Variants in CTDSPL2 observed in about 807,000 individuals in gnomAD.
The protein encoded by CTDSPL2 is CTD small phosphatase-like protein 2.
CTDSPL2 carries 5 observed loss-of-function variants against 60.0 expected under a neutral mutation model. The ratio of observed to expected loss-of-function variants is 0.08; its 90% CI spans 0.04 to 0.18. CTDSPL2 has a LOEUF of 0.18. Among genes scored for constraint, CTDSPL2 ranks in the 10% least tolerant of loss-of-function variants. CTDSPL2 has a pLI of 1.00. For synonymous variants in CTDSPL2, 186 were observed against 189.3 expected (o/e 0.98, Z 0.14); for missense variants, 370 against 548.8 (o/e 0.67, Z 3.26).
intron 7 of CTDSPL2, among the ~76,000 whole-genome samples, chr15:44,499,078 A>C (rs926563498): frequency 2.0e-5 from 3 of 152,054 alleles, no homozygotes; most frequent in Non-Finnish European, 4.4e-5. Flanking sequence ...CTTGCTTCTC[A>C]AACTTGAGCA....
At chr15:44,444,848 T>TG (rs1360419709) in intron 1 of CTDSPL2, among the ~76,000 whole-genome samples, 1 of 124,028 alleles carries the variant, frequency 8.1e-6, no homozygotes, top group African/African-American at 3.4e-5. Flanking sequence ...TTTTTTTTTT[T>TG]TTTTTTTTTT....
chr15:44,512,045 T>G (rs1167735127), intron 8 of CTDSPL2, among the ~76,000 whole-genome samples: 1 of 151,714 alleles, frequency 6.6e-6, no homozygotes, highest in Non-Finnish European at 1.5e-5. Context: ...AAAAAAATTG[T>G]TTAAAGCCAG....
chr15:44,469,634 A>G (rs1449953274), intron 2 of CTDSPL2, among the ~76,000 whole-genome samples: 1 of 152,168 alleles, frequency 6.6e-6, no homozygotes, highest in Non-Finnish European at 1.5e-5. Flanking sequence ...TTACTAGCAC[A>G]TATTCTATCT....
intron 1 of CTDSPL2, among the ~76,000 whole-genome samples, chr15:44,455,234 T>G (rs2080410464): frequency 6.6e-6 from 1 of 152,218 alleles, no homozygotes; most frequent in Non-Finnish European, 1.5e-5. Flanking sequence ...CTGTTATTGG[T>G]GTATAAGAAA....
Position 44,484,868 on chromosome 15 carries a change from G to A in CTDSPL2, c.325+506G>A, listed in dbSNP as rs569316870. On this transcript the variant is annotated intron_variant, in intron 3 of 12. Coordinates refer to ENST00000260327, the MANE Select transcript of CTDSPL2 (RefSeq NM_016396.3). Reference sequence around the variant, plus strand: ...CTTTGAATTAAAGTAAGTAAAGATAGAGTATATACCTTTATGCTATTTAGC... The same window carrying A: ...CTTTGAATTAAAGTAAGTAAAGATAAAGTATATACCTTTATGCTATTTAGC... Among the ~76,000 whole-genome samples, 14 of 152,296 alleles carry A rather than the reference G, an allele frequency of 9.2e-5. 1 individual carries two copies. The South Asian group carries it at 2.7e-3, about 29-fold the overall frequency.
intron 1 of CTDSPL2, chr15:44,448,842 C>A (rs545905465): frequency 5.3e-6 from 2 of 375,000 alleles, no homozygotes; most frequent in East Asian, 9.4e-5. Flanking sequence ...CGGTCTCATC[C>A]GTCTTTACCT....
At chr15:44,454,483 A>G (rs910631796) in intron 1 of CTDSPL2, among the ~76,000 whole-genome samples, 2 of 152,108 alleles carry the variant, frequency 1.3e-5, no homozygotes, top group Admixed American at 1.3e-4. Flanking sequence ...TTGGTGTTTT[A>G]GACATGAAGT....
At chr15:44,515,164 T>C (rs1030960683) in intron 10 of CTDSPL2, among the ~76,000 whole-genome samples, 3 of 152,214 alleles carry the variant, frequency 2.0e-5, no homozygotes, top group African/African-American at 7.2e-5. Flanking sequence ...TTCATCTCCA[T>C]ATGTCTCTGA....
intron 2 of CTDSPL2, among the ~76,000 whole-genome samples, chr15:44,477,911 A>G (rs1280973505): frequency 6.6e-6 from 1 of 152,080 alleles, no homozygotes; most frequent in African/African-American, 2.4e-5. Context: ...TATTCACCCA[A>G]CGCATTTAGG....
intron 1 of CTDSPL2, among the ~76,000 whole-genome samples, chr15:44,453,484 C>G (rs2080371165): frequency 6.6e-6 from 1 of 151,840 alleles, no homozygotes; most frequent in Admixed American, 6.6e-5. Context: ...TGCAGGCTTG[C>G]TACATATGTA....
chr15:44,481,271 T>G (rs2081021772), intron 2 of CTDSPL2, among the ~76,000 whole-genome samples: 7 of 152,230 alleles, frequency 4.6e-5, no homozygotes, highest in Admixed American at 4.6e-4. Context: ...AGTCTTGACC[T>G]TAATAGCTTC....
intron 2 of CTDSPL2, among the ~76,000 whole-genome samples, chr15:44,474,444 C>A (rs538782123): frequency 5.9e-5 from 9 of 151,746 alleles, no homozygotes; most frequent in African/African-American, 2.2e-4. Context: ...GAGTGGAGAT[C>A]GCACCACTGC....
At chr15:44,452,929 T>C (rs918215343) in intron 1 of CTDSPL2, among the ~76,000 whole-genome samples, 16 of 152,280 alleles carry the variant, frequency 1.1e-4, no homozygotes, top group African/African-American at 3.1e-4. Flanking sequence ...ACAAGGTCTT[T>C]GTGATATGTG....
intron 8 of CTDSPL2, among the ~76,000 whole-genome samples, chr15:44,508,281 G>A (rs561240511): frequency 1.3e-5 from 2 of 151,632 alleles, no homozygotes; most frequent in East Asian, 1.9e-4. Context: ...ACAGGGTTTC[G>A]CCATGTTGCC....
Position 44,524,907 on chromosome 15 carries a change from T to G in CTDSPL2, c.*733T>G, listed in dbSNP as rs373146098. On this transcript the variant is annotated 3_prime_UTR_variant, in exon 13 of 13. Transcript: ENST00000260327. Reference sequence around the variant, plus strand: ...AATATTCTACTGTAGGTGAAATCTTTTCAAAAATCAAGAGACTGGGTAGAT... The same window carrying G: ...AATATTCTACTGTAGGTGAAATCTTGTCAAAAATCAAGAGACTGGGTAGAT... 1.3e-5 allele frequency: 2 copies of G among 153,034 alleles called. No individual in the cohort carries two copies. The highest frequency in any genetic ancestry group is 1.9e-4 in the East Asian group (1 of 5,212). 9.5% of individuals were successfully genotyped at this position (153,034 alleles called of 1,614,324 possible).
chr15:44,440,159 G>A (rs1345896669), intron 1 of CTDSPL2, among the ~76,000 whole-genome samples: 2 of 150,560 alleles, frequency 1.3e-5, no homozygotes, highest in Non-Finnish European at 1.5e-5. Flanking sequence ...ATTATTGAGT[G>A]TACAGGCATA....
chr15:44,499,196 G>C (rs1042009511), intron 7 of CTDSPL2, among the ~76,000 whole-genome samples: 1 of 152,078 alleles, frequency 6.6e-6, no homozygotes, highest in Non-Finnish European at 1.5e-5. Context: ...CCTGAGGTCA[G>C]GAGTTCGAGA....
At chr15:44,435,523 C>T (rs1381285127) in intron 1 of CTDSPL2, among the ~76,000 whole-genome samples, 2 of 150,170 alleles carry the variant, frequency 1.3e-5, no homozygotes, top group Admixed American at 6.6e-5. Flanking sequence ...GAGCTGAGAT[C>T]GCGCCATCGC....
chr15:44,503,137 G>A (rs2081407102), intron 8 of CTDSPL2, among the ~76,000 whole-genome samples: 1 of 152,012 alleles, frequency 6.6e-6, no homozygotes, highest in Non-Finnish European at 1.5e-5. Context: ...TGAAAGAACC[G>A]ACTTGTTAAA....
Sources: gnomAD v4.1 joint callset for allele counts (sites outside exome capture counted in the v4.1 genomes callset) on GRCh38, gnomAD v4.1.1 for gene constraint, MANE v1.5 for transcripts, NCBI Gene and HGNC (gene_info 2026-07-23, HGNC 2026-07-21) for gene names.